The following FAM120C variants were observed in gnomAD, a reference collection of about 807,000 sequenced individuals.
FAM120C encodes constitutive coactivator of PPAR-gamma-like protein 2.
In FAM120C, 14 loss-of-function variants were observed where a neutral mutation model predicts 71.2. The ratio of observed to expected loss-of-function variants is 0.20; its 90% CI spans 0.13 to 0.31. The LOEUF (loss-of-function observed/expected upper bound fraction) is 0.31. FAM120C is among the 10% of genes least tolerant of loss of function. The pLI, the probability that FAM120C is intolerant of heterozygous loss-of-function variation, is 1.00. For synonymous variants in FAM120C, 354 were observed against 353.2 expected, an observed-to-expected ratio of 1.00 and a Z score of -0.03; for missense variants, 500 against 879.0, an observed-to-expected ratio of 0.57 and a Z score of 5.45.
Position 54,071,140 on chromosome X carries a change from A to G in FAM120C, c.*1893T>C, listed in dbSNP as rs1363901832. 1 of 112,381 alleles carries G rather than the reference A, an allele frequency of 8.9e-6. No homozygotes were observed. Among genetic ancestry groups the G allele is most frequent in the Non-Finnish European group, 1.9e-5 (1 of 53,257 alleles). 9.3% of individuals were successfully genotyped at this position (112,381 alleles called of 1,213,427 possible). ...CCAAAAGGAGGTATATGAGGCTGGAAGCCTCAATTCCTGAATGAAGACACA... is the reference window on the plus strand; with the variant it reads ...CCAAAAGGAGGTATATGAGGCTGGAGGCCTCAATTCCTGAATGAAGACACA... On this transcript the variant is annotated 3_prime_UTR_variant, in exon 16 of 16. Transcript: ENST00000375180.
In FAM120C at chrX:54,068,834, TA is replaced by T. The variant is rs1557119825; in HGVS notation, c.*4198del. On this transcript the variant is annotated 3_prime_UTR_variant, in exon 16 of 16. Coordinates refer to ENST00000375180, the MANE Select transcript of FAM120C (RefSeq NM_017848.6). ...TAGAATAGAATAGAATAGAATAGAA[TA>T]GAATAGAATAGAAGGTAGGAGGGGA... The T allele has an allele frequency of 9.8e-6, 1 of 101,909 alleles. No homozygotes were observed. The highest frequency in any genetic ancestry group is 2.0e-5 in the Non-Finnish European group (1 of 49,740). The allele number at this position is 101,909 out of a possible 1,213,427, so 8.4% of individuals were successfully genotyped here. A position where few individuals can be genotyped will look rare whatever the true frequency, so the allele number is the denominator to read the frequency against.
At chrX:54,104,810 G>A (rs782448903) in intron 10 of FAM120C, among the ~76,000 whole-genome samples, 7 of 109,245 alleles carry the variant, frequency 6.4e-5, no homozygotes, top group Admixed American at 5.9e-4. Flanking sequence ...TCTGTCTCGG[G>A]GGGGGAAAAA....
chrX:54,090,389 C>A (rs938835929), intron 11 of FAM120C, among the ~76,000 whole-genome samples: 1 of 110,137 alleles, frequency 9.1e-6, no homozygotes, highest in Admixed American at 9.8e-5. Flanking sequence ...CCTGCCATCA[C>A]GCCCAGCTAA....
intron 10 of FAM120C, among the ~76,000 whole-genome samples, chrX:54,113,573 G>C (rs1016250391): frequency 6.3e-5 from 7 of 110,653 alleles, no homozygotes; most frequent in Non-Finnish European, 1.3e-4. Flanking sequence ...CCTGCAGAAT[G>C]AGAGAAAATA....
At chrX:54,132,620 C>A in intron 9 of FAM120C, 72 bp downstream of exon 9, 1 of 882,926 alleles carries the variant, frequency 1.1e-6, no homozygotes, top group Admixed American at 3.8e-5. Context: ...CCAAAGGTAC[C>A]CAATGTGCCT....
intron 11 of FAM120C, among the ~76,000 whole-genome samples, chrX:54,089,827 C>T (rs1039414902): frequency 7.3e-5 from 8 of 109,870 alleles, no homozygotes; most frequent in Non-Finnish European, 1.3e-4. Context: ...AGCGTGGTGG[C>T]GCATGCCTGT....
chrX:54,126,255 A>G (rs2067026552), intron 9 of FAM120C, among the ~76,000 whole-genome samples: 2 of 112,296 alleles, frequency 1.8e-5, no homozygotes, highest in African/African-American at 6.5e-5. Flanking sequence ...GAAGAGCAGT[A>G]GAAAGAGCAG....
intron 10 of FAM120C, among the ~76,000 whole-genome samples, chrX:54,097,083 A>G (rs1242569499): frequency 1.8e-5 from 2 of 112,371 alleles, no homozygotes; most frequent in Non-Finnish European, 3.7e-5. Context: ...CCCCATTTTT[A>G]TAACAATGAC....
rs2066719479 is a variant in FAM120C at position 54,073,272 on chromosome X, C to T, written c.3052G>A (p.Val1018Ile). The part of the protein sequence containing the change: ...KGNKQGSSDG[V>I]SKSLELHQGR... ...TGATGAAGCTCCAGGGATTTAGAAA[C>T]TCCATCTGAAGAGCCCTGTTAAAAA... is the stretch of plus-strand genomic sequence containing the variant. The change falls in exon 16 of 16, where the codon GTT becomes ATT. Residue 1018 changes from valine (V) to isoleucine (I), a missense_variant. Transcript: ENST00000375180. The T allele has an allele frequency of 1.7e-6, 2 of 1,202,096 alleles. No individual in the cohort carries two copies. The highest frequency in any genetic ancestry group is 1.8e-5 in the African/African-American group (1 of 56,713).
rs1557120216 is a variant in FAM120C, at chrX:54,073,035, A to G, written c.3289T>C (p.Ter1097ArgextTer1). Residue 1097 changes from the stop codon to arginine, a stop_lost, in exon 16 of 16, where the codon TGA becomes CGA. Transcript: ENST00000375180. The part of the protein sequence containing the change: ...LETVAQRKED[*>R] ...TTGGTGAAGCCATCTTCAGCTTATC[A>G]GTCCTCTTTCCGTTGTGCCACAGTT... 2.5e-6 allele frequency: 3 copies of G among 1,201,494 alleles called. No homozygotes were observed. The Admixed American group carries it at 6.6e-5, about 27-fold the overall frequency.
At chrX:54,176,301 C>T (rs2067317236) in intron 1 of FAM120C, among the ~76,000 whole-genome samples, 1 of 109,706 alleles carries the variant, frequency 9.1e-6, no homozygotes, top group Admixed American at 9.8e-5. Context: ...GGTGTAGTGG[C>T]ACGCACCTGC....
chrX:54,151,541 T>C (rs782443425), intron 3 of FAM120C, among the ~76,000 whole-genome samples, 168 bp from the exon 4 acceptor site: 1 of 111,987 alleles, frequency 8.9e-6, no homozygotes, highest in African/African-American at 3.2e-5. Flanking sequence ...TACAGAACAC[T>C]TGGAAAAGAT....
At chrX:54,114,221 C>T (rs782206774) in intron 10 of FAM120C, among the ~76,000 whole-genome samples, 2 of 110,644 alleles carry the variant, frequency 1.8e-5, no homozygotes, top group African/African-American at 6.6e-5. Flanking sequence ...ATAATGTGTG[C>T]ACATGGACGT....
Position 54,070,062 on chromosome X carries a change from G to A in FAM120C, c.*2971C>T, listed in dbSNP as rs781887802. On this transcript the variant is annotated 3_prime_UTR_variant, in exon 16 of 16. Coordinates refer to ENST00000375180, the MANE Select transcript of FAM120C (RefSeq NM_017848.6). The stretch of plus-strand genomic sequence containing the variant: ...AAGGATGACAGTCTCTTCAAGTGGT[G>A]AAGCAAAGATCAGACCCCACCTTCC... The A allele has an allele frequency of 8.9e-6, 1 of 111,995 alleles. No individual in the cohort carries two copies. Among genetic ancestry groups the A allele is most frequent in the South Asian group, 3.7e-4 (1 of 2,680 alleles). 9.2% of individuals were successfully genotyped at this position (111,995 alleles called of 1,213,427 possible).
intron 13 of FAM120C, among the ~76,000 whole-genome samples, chrX:54,084,812 G>A (rs1182196948): frequency 6.3e-5 from 7 of 111,196 alleles, no homozygotes; most frequent in African/African-American, 1.3e-4. Flanking sequence ...TGTATTCATC[G>A]TTAAACTGTA....
intron 4 of FAM120C, among the ~76,000 whole-genome samples, chrX:54,150,179 A>T (rs2067177461): frequency 8.9e-6 from 1 of 112,052 alleles, no homozygotes; most frequent in South Asian, 3.7e-4. Context: ...AATATAGGTC[A>T]ACAATCCATT....
chrX:54,136,943 T>TTTATTATTA lies in FAM120C; in HGVS notation c.1159-362_1159-354dup, dbSNP rs200501762. On this transcript the variant is annotated intron_variant, in intron 4 of 15. Transcript: ENST00000375180. ...TTACAGTATGTTTTAATTTTATTAT[T>TTTATTATTA]TTATTATTATTATTATTATTATTAT... 2.8e-3 allele frequency among the ~76,000 whole-genome samples: 299 copies of TTTATTATTA among 107,683 alleles called. 1 individual carries two copies. The highest frequency in any genetic ancestry group is 9.6e-3 in the African/African-American group (283 of 29,602). The allele number at this position is 107,683 out of a possible 115,157, so 93.5% of individuals were successfully genotyped here.
chrX:54,070,116 C>A lies in FAM120C; in HGVS notation c.*2917G>T, dbSNP rs2066703393. The A allele has an allele frequency of 8.9e-6, 1 of 112,059 alleles. No homozygotes were observed. The highest frequency in any genetic ancestry group is 1.9e-5 in the Non-Finnish European group (1 of 53,232). The allele number at this position is 112,059 out of a possible 1,213,427, so 9.2% of individuals were successfully genotyped here. On this transcript the variant is annotated 3_prime_UTR_variant, in exon 16 of 16. Transcript: ENST00000375180. ...ATTTGTCCTCCAATTAGAAAAAGTT[C>A]ATCTCCCTGTAATGAACCTTAGTTT...
At chrX:54,080,799 T>C (rs7881411) in intron 14 of FAM120C, among the ~76,000 whole-genome samples, 7 of 100,279 alleles carry the variant, frequency 7.0e-5, no homozygotes, top group South Asian at 4.6e-4. Flanking sequence ...GAGGTGGAGG[T>C]TGCAGTGTGC....
Sources: allele counts gnomAD v4.1 joint callset (sites outside exome capture counted in the v4.1 genomes callset), GRCh38; gene constraint gnomAD v4.1.1; transcripts MANE v1.5; gene names NCBI Gene and HGNC (gene_info 2026-07-23, HGNC 2026-07-21).